Variants in MAPK10 observed in about 807,000 individuals in gnomAD.
MAPK10 encodes JNK3 alpha protein kinase.
Under a neutral mutation model 59.3 loss-of-function variants are expected in MAPK10, and 25 were observed. That is an observed-to-expected ratio of 0.42 (90% CI 0.31 to 0.59). The LOEUF is 0.59. Ranked by LOEUF, MAPK10 falls within the 20% of genes least tolerant of loss-of-function variation. The probability of loss-of-function intolerance (pLI) is 0.15; values close to 1 mark genes in which losing one functional copy is unlikely to be tolerated. For missense variants in MAPK10, 351 were observed against 568.9 expected (o/e 0.62, Z 3.90); for synonymous variants, 190 against 200.5 (o/e 0.95, Z 0.44).
At chr4:86,545,293 G>A (rs536249471) in intron 1 of MAPK10, among the ~76,000 whole-genome samples, 1 of 152,344 alleles carries the variant, frequency 6.6e-6, no homozygotes, top group South Asian at 2.1e-4. Flanking sequence ...ATGAAAAAAT[G>A]TGATACTTTC....
intron 2 of MAPK10, among the ~76,000 whole-genome samples, chr4:86,201,583 C>G (rs890792545): frequency 4.6e-5 from 7 of 151,928 alleles, no homozygotes; most frequent in Non-Finnish European, 7.4e-5. Context: ...TTTATCTATT[C>G]CAGATAAAAG....
At chr4:86,284,977 C>CT (rs1314018834) in intron 2 of MAPK10, among the ~76,000 whole-genome samples, 1 of 152,176 alleles carries the variant, frequency 6.6e-6, no homozygotes, top group Non-Finnish European at 1.5e-5. Context: ...TATCCATTGC[C>CT]TTTTGCAGTC....
At chr4:86,297,982 C>T (rs1048564197) in intron 2 of MAPK10, among the ~76,000 whole-genome samples, 1 of 152,154 alleles carries the variant, frequency 6.6e-6, no homozygotes, top group Admixed American at 6.6e-5. Flanking sequence ...TCTCTTTGAA[C>T]GCTTGTGCTT....
chr4:86,404,451 C>T (rs1429562555), intron 1 of MAPK10, among the ~76,000 whole-genome samples: 1 of 152,174 alleles, frequency 6.6e-6, no homozygotes, highest in Non-Finnish European at 1.5e-5. Flanking sequence ...TTCATTGACT[C>T]TCTCTATGCT....
intron 2 of MAPK10, among the ~76,000 whole-genome samples, chr4:86,323,767 C>G (rs1188460502): frequency 6.6e-6 from 1 of 152,006 alleles, no homozygotes; most frequent in Non-Finnish European, 1.5e-5. Context: ...GCATATAACT[C>G]AAAAGTCGAT....
chr4:86,435,236 C>A (rs1354736645), intron 1 of MAPK10, among the ~76,000 whole-genome samples: 1 of 152,132 alleles, frequency 6.6e-6, no homozygotes, highest in African/African-American at 2.4e-5. Flanking sequence ...GTGGCTCATA[C>A]CTGTAATCCC....
intron 11 of MAPK10, among the ~76,000 whole-genome samples, chr4:86,061,388 T>TAAG (rs2045730152): frequency 6.6e-6 from 1 of 152,196 alleles, no homozygotes; most frequent in African/African-American, 2.4e-5. Context: ...CTAAACATTA[T>TAAG]TTGAATAAGA....
At chr4:86,341,599 G>A (rs995868781) in intron 2 of MAPK10, among the ~76,000 whole-genome samples, 1 of 151,962 alleles carries the variant, frequency 6.6e-6, no homozygotes, top group Non-Finnish European at 1.5e-5. Context: ...ACTTGCTGGA[G>A]GAAAAGCACA....
intron 3 of MAPK10, among the ~76,000 whole-genome samples, chr4:86,161,595 AATG>A (rs869250152): frequency 7.3e-5 from 1 of 13,616 alleles, no homozygotes; most frequent in African/African-American, 9.6e-5. Flanking sequence ...ATTTGGGATG[AATG>A]AAGTGCCTAA....
chr4:86,344,245 G>C (rs997353865), intron 2 of MAPK10, among the ~76,000 whole-genome samples: 2 of 152,116 alleles, frequency 1.3e-5, no homozygotes, highest in East Asian at 3.9e-4. Context: ...TATCCCCTCA[G>C]CTTCCCGAGT....
At chr4:86,277,649 C>A (rs1254420964) in intron 2 of MAPK10, among the ~76,000 whole-genome samples, 1 of 152,100 alleles carries the variant, frequency 6.6e-6, no homozygotes, top group African/African-American at 2.4e-5. Context: ...AGCAAAGTTA[C>A]ACAGAGTAAG....
chr4:86,529,397 C>A (rs1221879584), intron 1 of MAPK10, among the ~76,000 whole-genome samples: 3 of 152,144 alleles, frequency 2.0e-5, no homozygotes, highest in Non-Finnish European at 4.4e-5. Flanking sequence ...AAGGAGGAGG[C>A]CATTGTCACC....
chr4:86,290,339 C>G (rs2095181051), intron 2 of MAPK10, among the ~76,000 whole-genome samples: 1 of 152,210 alleles, frequency 6.6e-6, no homozygotes, highest in Non-Finnish European at 1.5e-5. Context: ...CTACTGGATT[C>G]AGCATGTTCT....
chr4:86,468,842 A>G (rs1752426282), intron 1 of MAPK10, among the ~76,000 whole-genome samples: 1 of 152,032 alleles, frequency 6.6e-6, no homozygotes, highest in Non-Finnish European at 1.5e-5. Context: ...TGACAGAGTG[A>G]GACTCCATCT....
At chr4:86,082,829 G>A (rs2050934167) in intron 9 of MAPK10, among the ~76,000 whole-genome samples, 1 of 152,110 alleles carries the variant, frequency 6.6e-6, no homozygotes, top group Admixed American at 6.6e-5. Context: ...CATTAAATCT[G>A]TACTAAATAA....
At chr4:86,476,663 C>T (rs1284614960) in intron 1 of MAPK10, among the ~76,000 whole-genome samples, 1 of 152,180 alleles carries the variant, frequency 6.6e-6, no homozygotes, top group East Asian at 1.9e-4. Context: ...AACCCCACAA[C>T]AGGACTTAAT....
chr4:86,405,209 C>A (rs1039671049), intron 1 of MAPK10, among the ~76,000 whole-genome samples: 1 of 152,054 alleles, frequency 6.6e-6, no homozygotes, highest in Admixed American at 6.6e-5. Flanking sequence ...TCTGACATAA[C>A]CAATTTTGAG....
At chr4:86,098,352 G>T in intron 9 of MAPK10, 172 bp downstream of exon 9, 3 of 734,400 alleles carry the variant, frequency 4.1e-6, no homozygotes, top group Non-Finnish European at 5.8e-6. Context: ...AAATCATTGT[G>T]GTAGGCAGTC....
At chr4:86,405,990 T>A (rs575825751) in intron 1 of MAPK10, among the ~76,000 whole-genome samples, 1 of 152,334 alleles carries the variant, frequency 6.6e-6, no homozygotes, top group Admixed American at 6.5e-5. Flanking sequence ...TGCAACCACC[T>A]GAGCACTGTC....
Sources: gnomAD v4.1 joint callset for allele counts (sites outside exome capture counted in the v4.1 genomes callset) on GRCh38, gnomAD v4.1.1 for gene constraint, MANE v1.5 for transcripts, NCBI Gene and HGNC (gene_info 2026-07-23, HGNC 2026-07-21) for gene names.